ETV6: variants seen among roughly 807,000 people sequenced by gnomAD.
The protein encoded by ETV6 is ETS variant transcription factor 6.
ETV6 carries 16 observed loss-of-function variants against 51.1 expected under a neutral mutation model. The ratio of observed to expected loss-of-function variants is 0.31; its 90% CI spans 0.21 to 0.48. The LOEUF is 0.48. Ranked by LOEUF, ETV6 falls within the 20% of genes least tolerant of loss-of-function variation. ETV6 has a pLI of 0.99. For synonymous variants in ETV6, 240 were observed against 224.1 expected (o/e 1.07, Z -0.64); for missense variants, 458 against 594.8 (o/e 0.77, Z 2.39).
chr12:11,669,333 CCCTCCTTTCCTCCCGT>C (rs1864259109), intron 1 of ETV6, among the ~76,000 whole-genome samples: 1 of 145,658 alleles, frequency 6.9e-6, no homozygotes, highest in Non-Finnish European at 1.5e-5. Context: ...CTCCCTCCCT[CCCTCCTTTCCTCCCGT>C]CCTCCTGTCC....
chr12:11,731,112 G>A (rs1425239347), intron 1 of ETV6, among the ~76,000 whole-genome samples: 1 of 152,196 alleles, frequency 6.6e-6, no homozygotes, highest in African/African-American at 2.4e-5. Flanking sequence ...TTAAGTGTGA[G>A]CTTTGCTGTT....
At chr12:11,784,419 A>G (rs914093794) in intron 2 of ETV6, among the ~76,000 whole-genome samples, 3 of 149,444 alleles carry the variant, frequency 2.0e-5, no homozygotes, top group African/African-American at 7.4e-5. Context: ...AGATCACGCC[A>G]CTGCACTCGC....
chr12:11,664,350 C>T (rs997195561), intron 1 of ETV6, among the ~76,000 whole-genome samples: 2 of 151,978 alleles, frequency 1.3e-5, no homozygotes, highest in Admixed American at 1.3e-4. Context: ...TTTTGTCCCA[C>T]ATAAGTCAGA....
At chr12:11,762,922 A>G (rs1194610531) in intron 2 of ETV6, among the ~76,000 whole-genome samples, 1 of 152,180 alleles carries the variant, frequency 6.6e-6, no homozygotes, top group Non-Finnish European at 1.5e-5. Flanking sequence ...GTAGAGAAAC[A>G]AATATGAGTA....
Position 11,886,660 on chromosome 12 carries a change from T to C in ETV6, c.1253+634T>C, listed in dbSNP as rs189479742. On this transcript the variant is annotated intron_variant, in intron 7 of 7. Coordinates refer to ENST00000396373, the MANE Select transcript of ETV6 (RefSeq NM_001987.5). ...AAGTCTACAAGCTGCTGCACTAGAA[T>C]TTTTCTTTCCAGAATTCCTCATAGA... 9.8e-5 allele frequency among the ~76,000 whole-genome samples: 15 copies of C among 152,294 alleles called. No homozygotes were observed. In the East Asian group the frequency reaches 2.3e-3, roughly 23 times the overall value.
chr12:11,832,776 A>C (rs1324153298), intron 2 of ETV6, among the ~76,000 whole-genome samples: 10 of 152,238 alleles, frequency 6.6e-5, no homozygotes, highest in Non-Finnish European at 1.2e-4. Flanking sequence ...TGAGCTTGGA[A>C]AATGTCCAAA....
intron 2 of ETV6, among the ~76,000 whole-genome samples, chr12:11,808,799 T>G (rs1333147923): frequency 6.6e-6 from 1 of 151,244 alleles, no homozygotes; most frequent in African/African-American, 2.4e-5. Context: ...GACAAAGGAG[T>G]GCTTGGAAGA....
intron 1 of ETV6, among the ~76,000 whole-genome samples, chr12:11,711,278 G>A (rs1289578949): frequency 2.0e-5 from 3 of 152,126 alleles, no homozygotes; most frequent in Non-Finnish European, 4.4e-5. Context: ...TGTTTCTTCA[G>A]TGTCTTTAAC....
intron 3 of ETV6, among the ~76,000 whole-genome samples, chr12:11,844,916 C>T (rs1946439639): frequency 6.6e-6 from 1 of 152,100 alleles, no homozygotes; most frequent in South Asian, 2.1e-4. Flanking sequence ...ACTGCAACCT[C>T]CGCCTCCAGG....
rs1591710702 is a variant in ETV6, at chr12:11,839,374, C to A, written c.328+70C>A. 4.1e-6 allele frequency: 6 copies of A among 1,454,010 alleles called. No individual in the cohort carries two copies. The South Asian group carries it at 5.4e-5, about 13-fold the overall frequency. The allele number at this position is 1,454,010 out of a possible 1,614,324, so 90.1% of individuals were successfully genotyped here. A position where few individuals can be genotyped will look rare whatever the true frequency, so the allele number is the denominator to read the frequency against. On this transcript the variant is annotated intron_variant, in intron 3 of 7. Transcript: ENST00000396373. ...TTAGTTAGTGGTTGGTCTTTAACAC[C>A]CCTCACCCGGCCCAAGAAATCCCAA...
intron 2 of ETV6, among the ~76,000 whole-genome samples, chr12:11,794,164 A>G (rs752962614): frequency 2.0e-4 from 31 of 152,178 alleles, no homozygotes; most frequent in Non-Finnish European, 3.4e-4. Context: ...CAGTCGATCA[A>G]TCAGCCTCTC....
At position 11,677,635 on chromosome 12, in the gene ETV6, T is replaced by G. The variant is rs552379565; in HGVS notation, c.33+27475T>G. ...TGAGCACCTGTTACATGCTGGACAT[T>G]ATCAGAATTATCCGGGTGAAGAAGA... On this transcript the variant is annotated intron_variant, in intron 1 of 7. Transcript: ENST00000396373. Among the ~76,000 whole-genome samples the G allele has an allele frequency of 2.0e-5, 3 of 152,338 alleles. No individual in the cohort carries two copies. In the East Asian group the frequency reaches 5.8e-4, roughly 29 times the overall value.
chr12:11,674,833 C>T (rs1433148398), intron 1 of ETV6, among the ~76,000 whole-genome samples: 1 of 152,042 alleles, frequency 6.6e-6, no homozygotes, highest in Non-Finnish European at 1.5e-5. Flanking sequence ...AGCGGAGGCC[C>T]CTGGTGCTCA....
intron 2 of ETV6, among the ~76,000 whole-genome samples, chr12:11,766,403 T>C (rs1945161204): frequency 6.6e-6 from 1 of 151,862 alleles, no homozygotes; most frequent in South Asian, 2.1e-4. Context: ...CTATTGAGAG[T>C]GCAGGCAAAG....
chr12:11,852,130 A>C (rs977987591), intron 3 of ETV6, among the ~76,000 whole-genome samples: 2 of 152,188 alleles, frequency 1.3e-5, no homozygotes, highest in Non-Finnish European at 2.9e-5. Context: ...CCCACCCCCA[A>C]AGGGTTTTGA....
Position 11,869,573 on chromosome 12 carries a change from C to T in ETV6, c.613C>T (p.Leu205=). The T allele has an allele frequency of 6.2e-7, 1 of 1,614,186 alleles. No individual in the cohort carries two copies. The highest frequency in any genetic ancestry group is 8.5e-7 in the Non-Finnish European group (1 of 1,180,032). Residue 205 remains leucine, a synonymous_variant, in exon 5 of 8, where the codon CTG becomes TTG. Coordinates refer to ENST00000396373, the MANE Select transcript of ETV6 (RefSeq NM_001987.5). This position sits in a 1 kb window ranked among gnomAD's most constrained non-coding sequence, Gnocchi z 5.0. ...DPEQRPLRSP[L]DNMIRRLSPA... ...CGAGCAGCGGCCCCTCCGGTCCCCCCTGGACAACATGATCCGCCGCCTCTC... is the reference window on the plus strand; with the variant it reads ...CGAGCAGCGGCCCCTCCGGTCCCCCTTGGACAACATGATCCGCCGCCTCTC...
chr12:11,685,019 G>A (rs1000244891), intron 1 of ETV6, among the ~76,000 whole-genome samples: 1 of 152,090 alleles, frequency 6.6e-6, no homozygotes, highest in Non-Finnish European at 1.5e-5. Flanking sequence ...GGAAGGCCTA[G>A]GAGGTGGCAT....
At chr12:11,721,906 A>T (rs543992529) in intron 1 of ETV6, among the ~76,000 whole-genome samples, 8 of 152,350 alleles carry the variant, frequency 5.3e-5, no homozygotes, top group African/African-American at 1.9e-4. Context: ...GTCAGCTGTT[A>T]AAATGCTGTG....
At chr12:11,713,676 G>A (rs995366256) in intron 1 of ETV6, among the ~76,000 whole-genome samples, 11 of 152,092 alleles carry the variant, frequency 7.2e-5, no homozygotes, top group African/African-American at 1.9e-4. Flanking sequence ...CTGCTCTCAC[G>A]TTCTGTTGCA....
Sources: allele counts gnomAD v4.1 joint callset (sites outside exome capture counted in the v4.1 genomes callset), GRCh38; gene constraint gnomAD v4.1.1; non-coding constraint Gnocchi (gnomAD v3.1); transcripts MANE v1.5; gene names NCBI Gene and HGNC (gene_info 2026-07-23, HGNC 2026-07-21).